The following MZF1 variants were observed in gnomAD, a reference collection of about 807,000 sequenced individuals.
The protein encoded by MZF1 is zinc finger and SCAN domain-containing protein 6.
MZF1 carries 24 observed loss-of-function variants against 28.6 expected under a neutral mutation model. That is an observed-to-expected ratio of 0.84 (90% confidence interval 0.61 to 1.18). MZF1 has a LOEUF of 1.18. Among genes scored for constraint, MZF1 ranks in the 50% most tolerant of loss-of-function variants. The probability of loss-of-function intolerance (pLI) is 0.00; values close to 1 mark genes in which losing one functional copy is unlikely to be tolerated. For synonymous variants in MZF1, 516 were observed against 432.5 expected (o/e 1.19, Z -2.40); for missense variants, 1,166 against 1,026.4 (o/e 1.14, Z -1.86).
chr19:58,562,741 G>A lies in MZF1; in HGVS notation c.1536C>T (p.Ser512=). ...GCTCGCCGCACTCGACGCAGCCAAA[G>A]GACTTGTCGCCCGTGTGTACCGCCT... ...EHQAVHTGDK[S]FGCVECGERF... The change falls in exon 6 of 6, where the codon TCC becomes TCT. Residue 512 remains serine, a synonymous_variant. Transcript: ENST00000215057. 6.5e-7 allele frequency: 1 copy of A among 1,536,254 alleles called. No individual in the cohort carries two copies. The highest frequency in any genetic ancestry group is 8.7e-7 in the Non-Finnish European group (1 of 1,147,382).
chr19:58,565,925 G>C (rs1439602977), intron 5 of MZF1, among the ~76,000 whole-genome samples: 1 of 148,430 alleles, frequency 6.7e-6, no homozygotes, highest in Non-Finnish European at 1.5e-5. Context: ...TGGATCACGA[G>C]GTCAGGAGAT....
Position 58,571,423 on chromosome 19 carries a change from TC to T in MZF1, c.-35del, listed in dbSNP as rs764906508. On this transcript the variant is annotated 5_prime_UTR_variant, in exon 2 of 6. Transcript: ENST00000215057. ...CCAGGTCAGGTATCTGAGGCCAGTG[TC>T]TGCCCCTGGTGAAGAAATAGGATGA... 8.7e-6 allele frequency: 14 copies of T among 1,610,940 alleles called. No individual in the cohort carries two copies. The highest frequency in any genetic ancestry group is 1.1e-5 in the Non-Finnish European group (13 of 1,178,526).
chr19:58,564,903 T>TGTTTTTTTTG (rs1491174026), intron 5 of MZF1, among the ~76,000 whole-genome samples: 1 of 33,160 alleles, frequency 3.0e-5, no homozygotes, highest in Admixed American at 3.1e-4. Context: ...CATGTGTGTG[T>TGTTTTTTTTG]TTTTTTTTTT....
At chr19:58,569,772 G>C (rs2054123478) in intron 3 of MZF1, 186 bp from the exon 4 acceptor site, 1 of 572,856 alleles carries the variant, frequency 1.7e-6, no homozygotes, top group Admixed American at 3.2e-5. Flanking sequence ...ACCCTGGAAG[G>C]CCAGGGGTTG....
chr19:58,562,039 G>T lies in MZF1; in HGVS notation c.*33C>A. ...AATAACCAGGGGAGGTAGGTGTTCTGACCATGGCGGACACAGTGCGTCCCG... is the reference window on the plus strand; with the variant it reads ...AATAACCAGGGGAGGTAGGTGTTCTTACCATGGCGGACACAGTGCGTCCCG... On this transcript the variant is annotated 3_prime_UTR_variant, in exon 6 of 6. Coordinates refer to ENST00000215057, the MANE Select transcript of MZF1 (RefSeq NM_198055.2). 6.5e-7 allele frequency: 1 copy of T among 1,539,122 alleles called. No individual in the cohort carries two copies. Among genetic ancestry groups the T allele is most frequent in the South Asian group, 1.2e-5 (1 of 83,804 alleles).
rs992634101 is a variant in MZF1, at chr19:58,573,257, T to C, written c.-243A>G. 6.6e-6 allele frequency: 1 copy of C among 152,478 alleles called. No homozygotes were observed. Among genetic ancestry groups the C allele is most frequent in the Non-Finnish European group, 1.5e-5 (1 of 68,088 alleles). The allele number at this position is 152,478 out of a possible 1,614,324, so 9.4% of individuals were successfully genotyped here. A position where few individuals can be genotyped will look rare whatever the true frequency, so the allele number is the denominator to read the frequency against. ...ATGATCAGGTCATACTCCTGGCCGC[T>C]TCTTCCCATGCTCCCCGCCTCGAAT... On this transcript the variant is annotated 5_prime_UTR_variant, in exon 1 of 6. Coordinates refer to ENST00000215057, the MANE Select transcript of MZF1 (RefSeq NM_198055.2).
At position 58,565,739 on chromosome 19, in the gene MZF1, A is replaced by T. The variant is rs866735914; in HGVS notation, c.773-2235T>A. Among the ~76,000 whole-genome samples, 7 of 140,944 alleles carry T rather than the reference A, an allele frequency of 5.0e-5. No individual in the cohort carries two copies. In the East Asian group the frequency reaches 1.6e-3, roughly 33 times the overall value. 92.5% of individuals were successfully genotyped at this position (140,944 alleles called of 152,430 possible). A position where few individuals can be genotyped will look rare whatever the true frequency, so the allele number is the denominator to read the frequency against. On this transcript the variant is annotated intron_variant, in intron 5 of 5. Transcript: ENST00000215057. ...AGTAGAGACGGGGTTTCGCCGTGTT[A>T]GCCAGGATGGTCTCGATCTCCTGAC...
chr19:58,571,003 G>C lies in MZF1; in HGVS notation c.387C>G (p.Pro129=), dbSNP rs1185268832. ...VDGLRREPGG[P]RRWVTVQVQG... is the part of the protein sequence containing the mutation. ...GTGGACACTCACTCACCCATCTCCG[G>C]GGTCCGCCCGGCTCCCGGCGCAGCC... The change falls in exon 2 of 6, where the codon CCC becomes CCG. Residue 129 remains proline (P), a synonymous_variant. Transcript: ENST00000215057. 1 of 1,606,232 alleles carries C rather than the reference G, an allele frequency of 6.2e-7. No homozygotes were observed. The highest frequency in any genetic ancestry group is 1.7e-5 in the Admixed American group (1 of 59,392).
At chr19:58,568,397 CA>C (rs1214253968) in intron 5 of MZF1, 3 of 151,996 alleles carry the variant, frequency 2.0e-5, no homozygotes, top group Non-Finnish European at 1.5e-5. Context: ...TCCCAGATGC[CA>C]ATAGCCAAGT....
Position 58,563,306 on chromosome 19 carries a change from C to G in MZF1, c.971G>C (p.Arg324Pro). The G allele has an allele frequency of 6.2e-7, 1 of 1,608,392 alleles. No individual in the cohort carries two copies. The highest frequency in any genetic ancestry group is 8.5e-7 in the Non-Finnish European group (1 of 1,177,902). The part of the protein sequence containing the change: ...EQDPTDEDPC[R>P]GVGPALITTR... ...GGTGATCAGAGCAGGGCCCACACCC[C>G]GGCAGGGATCCTCGTCCGTGGGGTC... The change falls in exon 6 of 6, where the codon CGG becomes CCG. Residue 324 changes from arginine (R) to proline (P), a missense_variant. Transcript: ENST00000215057.
intron 5 of MZF1, chr19:58,564,585 T>G (rs1339752156): frequency 6.6e-6 from 1 of 152,270 alleles, no homozygotes; most frequent in East Asian, 1.9e-4. Flanking sequence ...ACACCCTGAC[T>G]GCAGGGACCC....
chr19:58,571,093 C>T lies in MZF1; in HGVS notation c.297G>A (p.Glu99=). The T allele has an allele frequency of 2.5e-6, 4 of 1,613,890 alleles. 1 individual carries two copies. Among genetic ancestry groups the T allele is most frequent in the Non-Finnish European group, 3.4e-6 (4 of 1,179,978 alleles). Residue 99 remains glutamate, a synonymous_variant, in exon 2 of 6, where the codon GAG becomes GAA. Transcript: ENST00000215057. ...LEQFLGALPP[E]IQARVQGQRP... is the part of the protein sequence containing the mutation. Reference sequence around the variant, plus strand: ...GCTGCCCCTGCACACGGGCCTGGATCTCAGGGGGCAGTGCGCCCAGGAACT... The same window carrying T: ...GCTGCCCCTGCACACGGGCCTGGATTTCAGGGGGCAGTGCGCCCAGGAACT...
At chr19:58,571,752 C>T (rs778885052) in intron 1 of MZF1, 21 of 232,140 alleles carry the variant, frequency 9.0e-5, no homozygotes, top group Admixed American at 1.5e-4. Context: ...CGAGATCATG[C>T]GTCACTGCAG....
In MZF1 at chr19:58,562,829, C is replaced by T; in HGVS notation, c.1448G>A (p.Gly483Asp). 6.5e-7 allele frequency: 1 copy of T among 1,535,694 alleles called. No individual in the cohort carries two copies. Among genetic ancestry groups the T allele is most frequent in the Non-Finnish European group, 8.7e-7 (1 of 1,146,986 alleles). Residue 483 changes from glycine to aspartate, a missense_variant, in exon 6 of 6, where the codon GGC becomes GAC. By Grantham distance (94) the Gly-to-Asp change is moderately conservative (BLOSUM62 -1). Coordinates refer to ENST00000215057, the MANE Select transcript of MZF1 (RefSeq NM_198055.2). ...GCGGCACTCGCTGCACGGAAAGGGG[C>T]CGGGAGGCTCGGGCGCACCAGGAGG... ...PAPPGAPEPP[G>D]PFPCSECRES...
chr19:58,571,768 AC>A (rs1297931428), intron 1 of MZF1: 1 of 196,100 alleles, frequency 5.1e-6, no homozygotes, highest in Non-Finnish European at 1.1e-5. Flanking sequence ...TGCAGACTTG[AC>A]CTCCCGGGCT....
At position 58,570,385 on chromosome 19, in the gene MZF1, C is replaced by T. The variant is rs758946222; in HGVS notation, c.539G>A (p.Gly180Asp). 6.2e-7 allele frequency: 1 copy of T among 1,613,634 alleles called. No homozygotes were observed. Among genetic ancestry groups the T allele is most frequent in the South Asian group, 1.1e-5 (1 of 91,070 alleles). The change falls in exon 3 of 6, where the codon GGC becomes GAC. Residue 180 changes from glycine (G) to aspartate (D), a missense_variant. Coordinates refer to ENST00000215057, the MANE Select transcript of MZF1 (RefSeq NM_198055.2). ...CTCTGACTCCTCTTTCACCTGCAGGCCCAGTGGTGATTCCTGCATAGTCCT... is the reference window on the plus strand; with the variant it reads ...CTCTGACTCCTCTTTCACCTGCAGGTCCAGTGGTGATTCCTGCATAGTCCT... ...PPRTMQESPLGLQVKEESEVT... is the reference protein window; with the variant it reads ...PPRTMQESPLDLQVKEESEVT...
At chr19:58,564,931 T>G (rs1248927416) in intron 5 of MZF1, among the ~76,000 whole-genome samples, 2 of 130,362 alleles carry the variant, frequency 1.5e-5, no homozygotes, top group African/African-American at 6.6e-5. Flanking sequence ...TTTTTTTTTT[T>G]TTTTTTTGAG....
In MZF1 at chr19:58,563,653, T is replaced by C. The variant is rs1405570691; in HGVS notation, c.773-149A>G. The C allele has an allele frequency of 6.4e-6, 4 of 628,182 alleles. No individual in the cohort carries two copies. In the African/African-American group the frequency reaches 7.4e-5, roughly 12 times the overall value. The allele number at this position is 628,182 out of a possible 1,614,324, so 38.9% of individuals were successfully genotyped here. On this transcript the variant is annotated intron_variant, in intron 5 of 5. Transcript: ENST00000215057. ...GACAAATGCAGGGGTAGGGATTCTA[T>C]CTGTACAGACTTCCCTGATGAGGTG...
At chr19:58,563,660 A>C in intron 5 of MZF1, 156 bp from the exon 6 acceptor site, 1 of 607,142 alleles carries the variant, frequency 1.6e-6, no homozygotes, top group Non-Finnish European at 2.9e-6. Context: ...CTATCTGTAC[A>C]GACTTCCCTG....
Sources: allele counts gnomAD v4.1 joint callset (sites outside exome capture counted in the v4.1 genomes callset), GRCh38; gene constraint gnomAD v4.1.1; transcripts MANE v1.5; gene names NCBI Gene and HGNC (gene_info 2026-07-23, HGNC 2026-07-21).